TNIP2: variants seen among roughly 807,000 people sequenced by gnomAD.
TNIP2 encodes TNFAIP3-interacting protein 2.
TNIP2 carries 30 observed loss-of-function variants against 43.7 expected under a neutral mutation model. The observed-to-expected ratio is 0.69, with a 90% CI of 0.51 to 0.93. The LOEUF is 0.93. Among genes scored for constraint, TNIP2 ranks in the 40% least tolerant of loss-of-function variants. TNIP2 has a pLI of 0.00. For missense variants in TNIP2, 599 were observed against 591.0 expected, an observed-to-expected ratio of 1.01 and a Z score of -0.14; for synonymous variants, 260 against 254.6, an observed-to-expected ratio of 1.02 and a Z score of -0.20.
At chr4:2,745,889 A>C (rs1721935971) in intron 2 of TNIP2, 1 of 232,914 alleles carries the variant, frequency 4.3e-6, no homozygotes, top group East Asian at 9.6e-5. Context: ...AGACATGATA[A>C]AGTCTTCTCA....
intron 5 of TNIP2, 128 bp from the exon 6 acceptor site, chr4:2,742,648 T>C: frequency 9.6e-7 from 1 of 1,037,304 alleles, no homozygotes; most frequent in Admixed American, 3.1e-5. Flanking sequence ...CTTTGCTTCC[T>C]GCTGCGCCCC....
At chr4:2,748,042 C>A in intron 1 of TNIP2, 97 bp from the exon 2 acceptor site, 1 of 1,303,366 alleles carries the variant, frequency 7.7e-7, no homozygotes, top group East Asian at 2.4e-5. Context: ...CGTGGATGCC[C>A]CATCACCAGA....
At chr4:2,748,491 C>T (rs995696999) in intron 1 of TNIP2, among the ~76,000 whole-genome samples, 6 of 152,030 alleles carry the variant, frequency 3.9e-5, no homozygotes, top group Middle Eastern at 3.4e-3. Flanking sequence ...TACAGGCACA[C>T]GCCACCACGC....
intron 1 of TNIP2, among the ~76,000 whole-genome samples, chr4:2,748,319 A>C (rs1722008684): frequency 6.6e-6 from 1 of 151,492 alleles, no homozygotes; most frequent in African/African-American, 2.4e-5. Flanking sequence ...GGGATTATAG[A>C]GCCCACCACC....
At chr4:2,745,648 G>T in intron 2 of TNIP2, 113 bp from the exon 3 acceptor site, 1 of 728,224 alleles carries the variant, frequency 1.4e-6, no homozygotes, top group Non-Finnish European at 2.4e-6. Flanking sequence ...AGTGCAGCGG[G>T]TAGTGATCAT....
intron 1 of TNIP2, among the ~76,000 whole-genome samples, chr4:2,751,294 A>G (rs1273573279): frequency 1.3e-5 from 2 of 152,208 alleles, no homozygotes; most frequent in Non-Finnish European, 2.9e-5. Flanking sequence ...CAACACACAG[A>G]CTAGTCAGCA....
chr4:2,741,880 G>A lies in TNIP2; in HGVS notation c.*377C>T, dbSNP rs1721795074. 5.4e-6 allele frequency: 1 copy of A among 184,560 alleles called. No homozygotes were observed. 11.4% of individuals were successfully genotyped at this position (184,560 alleles called of 1,614,324 possible). A position where few individuals can be genotyped will look rare whatever the true frequency, so the allele number is the denominator to read the frequency against. ...GACGCTTTATTCCATAGAACAGGAT[G>A]GGGCTCCCACCCTGGGGACCATACA... On this transcript the variant is annotated 3_prime_UTR_variant, in exon 6 of 6. Coordinates refer to ENST00000315423, the MANE Select transcript of TNIP2 (RefSeq NM_024309.4).
In TNIP2 at chr4:2,744,458, G is replaced by A. The variant is rs145123249; in HGVS notation, c.955C>T (p.Arg319Trp). The A allele has an allele frequency of 2.9e-5, 47 of 1,614,048 alleles. No individual in the cohort carries two copies. The Admixed American group carries it at 6.3e-4, about 22-fold the overall frequency. ...DFMSERADRE[R>W]AQSRIQELEE... ...AGTTCTTGAATCCTACTTTGAGCCCGTTCCCGATCGGCCCTTTCTGACATG... is the reference window on the plus strand; with the variant it reads ...AGTTCTTGAATCCTACTTTGAGCCCATTCCCGATCGGCCCTTTCTGACATG... The change falls in exon 5 of 6, where the codon CGG becomes TGG. Residue 319 changes from arginine (R) to tryptophan (W), a missense_variant. Coordinates refer to ENST00000315423, the MANE Select transcript of TNIP2 (RefSeq NM_024309.4). The surrounding 1 kb of genome is among the most constrained non-coding windows in gnomAD (Gnocchi z 5.1).
intron 5 of TNIP2, among the ~76,000 whole-genome samples, chr4:2,743,756 G>T (rs1721858570): frequency 6.6e-6 from 1 of 152,228 alleles, no homozygotes; most frequent in Non-Finnish European, 1.5e-5. Flanking sequence ...GGCCAAAAGT[G>T]TGTTAGGTAC....
intron 1 of TNIP2, among the ~76,000 whole-genome samples, chr4:2,752,173 A>C (rs1722119815): frequency 6.6e-6 from 1 of 152,144 alleles, no homozygotes; most frequent in African/African-American, 2.4e-5. Context: ...GAAAGAGCCA[A>C]GAAAACAAGC....
chr4:2,746,606 G>T (rs1020634296), intron 2 of TNIP2, among the ~76,000 whole-genome samples: 1 of 152,234 alleles, frequency 6.6e-6, no homozygotes, highest in Non-Finnish European at 1.5e-5. Flanking sequence ...CCCAGTGGGC[G>T]CCTCGGTGAA....
chr4:2,756,145 G>C lies in TNIP2; in HGVS notation c.145C>G (p.Arg49Gly), dbSNP rs1052319191. The C allele has an allele frequency of 2.7e-6, 4 of 1,475,320 alleles. No homozygotes were observed. In the Admixed American group the frequency reaches 7.3e-5, roughly 27 times the overall value. The allele number at this position is 1,475,320 out of a possible 1,614,324, so 91.4% of individuals were successfully genotyped here. The change falls in exon 1 of 6, where the codon CGC (arginine) becomes GGC (glycine). Residue 49 changes from arginine to glycine, a missense_variant. Arg to Gly is a moderately radical substitution (Grantham distance 125). Transcript: ENST00000315423. ...CCCTCCAGCGCGGCCAGGCGGGCGC[G>C]GAGGCGAGCGATGAGGGCGTCGCGG... ...AARDALIARL[R>G]ARLAALEGDA...
intron 1 of TNIP2, among the ~76,000 whole-genome samples, chr4:2,755,399 G>T (rs1722205078): frequency 1.3e-5 from 2 of 149,962 alleles, no homozygotes; most frequent in African/African-American, 4.9e-5. Context: ...CAGAACCCAA[G>T]AACTGCACCA....
Position 2,744,653 on chromosome 4 carries a change from G to T in TNIP2, c.906+44C>A. ...CCATGATTTCGGCCACCACCGGCCA[G>T]CAGACATCTGGTCAGTGCCGTCCGG... On this transcript the variant is annotated intron_variant, in intron 4 of 5. Transcript: ENST00000315423. The surrounding 1 kb of genome is among the most constrained non-coding windows in gnomAD (Gnocchi z 5.1). 1 of 1,586,580 alleles carries T rather than the reference G, an allele frequency of 6.3e-7. No individual in the cohort carries two copies. Among genetic ancestry groups the T allele is most frequent in the Non-Finnish European group, 8.5e-7 (1 of 1,170,100 alleles).
rs1721795290 is a variant in TNIP2 at position 2,741,884 on chromosome 4, C to CTTTAT, written c.*372_*373insATAAA. ...CTTTATTCCATAGAACAGGATGGGG[C>CTTTAT]TCCCACCCTGGGGACCATACAAGTG... is the stretch of plus-strand genomic sequence containing the variant. On this transcript the variant is annotated 3_prime_UTR_variant, in exon 6 of 6. Coordinates refer to ENST00000315423, the MANE Select transcript of TNIP2 (RefSeq NM_024309.4). 1 of 187,154 alleles carries CTTTAT rather than the reference C, an allele frequency of 5.3e-6. No homozygotes were observed. The highest frequency in any genetic ancestry group is 6.1e-5 in the Admixed American group (1 of 16,264). 11.6% of individuals were successfully genotyped at this position (187,154 alleles called of 1,614,324 possible).
At position 2,747,828 on chromosome 4, in the gene TNIP2, C is replaced by A; in HGVS notation, c.394G>T (p.Glu132Ter). 6.2e-7 allele frequency: 1 copy of A among 1,613,632 alleles called. No individual in the cohort carries two copies. The highest frequency in any genetic ancestry group is 8.5e-7 in the Non-Finnish European group (1 of 1,180,046). Reference sequence around the variant, plus strand: ...CTGGCGGCCCGGGCGCGCTCCCCTTCTGCCATGCTCCTCCGTAGCAGGACG... The same window carrying A: ...CTGGCGGCCCGGGCGCGCTCCCCTTATGCCATGCTCCTCCGTAGCAGGACG... ...EVVLLRRSMA[E>*]GERARAASDV... is the part of the protein sequence containing the mutation. The change falls in exon 2 of 6, where the codon GAA becomes TAA. Residue 132 changes from glutamate (E) to a stop codon, truncating the protein, a stop_gained. Coordinates refer to ENST00000315423, the MANE Select transcript of TNIP2 (RefSeq NM_024309.4). LOFTEE classifies it high-confidence loss of function.
intron 1 of TNIP2, among the ~76,000 whole-genome samples, chr4:2,755,312 C>A (rs1355168158): frequency 1.3e-5 from 2 of 151,612 alleles, no homozygotes; most frequent in East Asian, 1.9e-4. Context: ...CATACACACA[C>A]CCCCCTCGGA....
At chr4:2,753,892 A>T (rs1722161732) in intron 1 of TNIP2, among the ~76,000 whole-genome samples, 1 of 152,168 alleles carries the variant, frequency 6.6e-6, no homozygotes, top group Non-Finnish European at 1.5e-5. Context: ...AAGTATTTTA[A>T]ATGATGTAGA....
intron 1 of TNIP2, among the ~76,000 whole-genome samples, chr4:2,749,090 C>T (rs1428739246): frequency 1.3e-5 from 2 of 152,148 alleles, no homozygotes; most frequent in Non-Finnish European, 2.9e-5. Context: ...CACGCCCTGC[C>T]AAATTCTATT....
Sources: allele counts gnomAD v4.1 joint callset (sites outside exome capture counted in the v4.1 genomes callset), GRCh38; gene constraint gnomAD v4.1.1; non-coding constraint Gnocchi (gnomAD v3.1); transcripts MANE v1.5; gene names NCBI Gene and HGNC (gene_info 2026-07-23, HGNC 2026-07-21).